The following PIK3R6 variants were observed in gnomAD, a reference collection of about 807,000 sequenced individuals.
The protein encoded by PIK3R6 is phosphoinositide-3-kinase regulatory subunit 6, also known as phosphoinositide 3-kinase regulatory subunit 6.
In PIK3R6, 91 loss-of-function variants were observed where a neutral mutation model predicts 84.9. The ratio of observed to expected loss-of-function variants is 1.07; its 90% CI spans 0.90 to 1.28. The LOEUF (loss-of-function observed/expected upper bound fraction) is 1.28, where lower values mean the gene tolerates loss of function less well. PIK3R6 is among the 50% of genes most tolerant of loss of function. PIK3R6 has a pLI of 0.00. For synonymous variants in PIK3R6, 416 were observed against 411.4 expected, an observed-to-expected ratio of 1.01 and a Z score of -0.13; for missense variants, 996 against 985.1, an observed-to-expected ratio of 1.01 and a Z score of -0.15.
intron 18 of PIK3R6, among the ~76,000 whole-genome samples, chr17:8,813,109 A>G (rs1446139219): frequency 6.6e-6 from 1 of 152,216 alleles, no homozygotes; most frequent in Non-Finnish European, 1.5e-5. Flanking sequence ...GAGACCTATA[A>G]GCATCTCTAT....
chr17:8,809,253 A>G (rs965369273), intron 18 of PIK3R6, among the ~76,000 whole-genome samples: 1 of 152,224 alleles, frequency 6.6e-6, no homozygotes, highest in African/African-American at 2.4e-5. Context: ...GCAAACACTA[A>G]GGAAATTTGT....
At chr17:8,826,615 C>A (rs906708765) in intron 13 of PIK3R6, among the ~76,000 whole-genome samples, 10 of 151,914 alleles carry the variant, frequency 6.6e-5, no homozygotes, top group African/African-American at 2.2e-4. Context: ...CATCACACAC[C>A]GGGGCCTGTC....
At chr17:8,832,293 T>C (rs561961356) in intron 9 of PIK3R6, among the ~76,000 whole-genome samples, 3 of 152,120 alleles carry the variant, frequency 2.0e-5, no homozygotes, top group South Asian at 4.2e-4. Flanking sequence ...TTTAAATATA[T>C]GTAAGGTGAT....
In PIK3R6 at chr17:8,821,803, C is replaced by T. The variant is rs1381762734; in HGVS notation, c.1879+43G>A. On this transcript the variant is annotated intron_variant, in intron 17 of 19. Coordinates refer to ENST00000619866, the MANE Select transcript of PIK3R6 (RefSeq NM_001010855.4). ...GCCCTCTCCCCAGCATTGCCCTTCT[C>T]ATCTCTTCTCTCTTTCTTTGCTCTG... is the stretch of plus-strand genomic sequence containing the variant. The T allele has an allele frequency of 4.6e-6, 7 of 1,537,040 alleles. No homozygotes were observed. In the African/African-American group the frequency reaches 8.2e-5, roughly 18 times the overall value.
intron 2 of PIK3R6, among the ~76,000 whole-genome samples, chr17:8,843,662 T>G (rs1169996725): frequency 1.3e-5 from 2 of 152,020 alleles, no homozygotes; most frequent in Non-Finnish European, 2.9e-5. Flanking sequence ...ATGAATTAGC[T>G]GCCAACATTT....
intron 1 of PIK3R6, among the ~76,000 whole-genome samples, chr17:8,864,578 G>A (rs555647131): frequency 3.5e-5 from 4 of 113,444 alleles, no homozygotes; most frequent in East Asian, 2.7e-4. Flanking sequence ...TCACTCTGTC[G>A]CCAGACTGGA....
chr17:8,824,468 C>G (rs1329133421), intron 13 of PIK3R6, among the ~76,000 whole-genome samples: 1 of 152,170 alleles, frequency 6.6e-6, no homozygotes, highest in South Asian at 2.1e-4. Flanking sequence ...TCCTCTAAGA[C>G]CTCTTCTATC....
At chr17:8,835,763 C>G (rs1408574844) in intron 7 of PIK3R6, among the ~76,000 whole-genome samples, 1 of 152,112 alleles carries the variant, frequency 6.6e-6, no homozygotes, top group Non-Finnish European at 1.5e-5. Context: ...AGCATCCTGG[C>G]CCAGGGACCA....
intron 3 of PIK3R6, 56 bp from the exon 4 acceptor site, chr17:8,838,711 A>C (rs1597417988): frequency 6.7e-7 from 1 of 1,483,146 alleles, no homozygotes; most frequent in Non-Finnish European, 9.2e-7. Flanking sequence ...CTTAGAGGAG[A>C]CCCCTCTGAG....
At chr17:8,859,208 A>C (rs1317068425) in intron 1 of PIK3R6, among the ~76,000 whole-genome samples, 2 of 152,170 alleles carry the variant, frequency 1.3e-5, no homozygotes, top group Non-Finnish European at 2.9e-5. Context: ...TTGGTGAGTA[A>C]ATCAAAGAGC....
chr17:8,808,235 G>A (rs900397987), intron 18 of PIK3R6, among the ~76,000 whole-genome samples: 2 of 152,160 alleles, frequency 1.3e-5, no homozygotes, highest in African/African-American at 2.4e-5. Flanking sequence ...CTTTAGCCAA[G>A]CACTCTTCTA....
intron 18 of PIK3R6, among the ~76,000 whole-genome samples, chr17:8,817,890 T>C (rs1213249039): frequency 2.0e-5 from 3 of 151,524 alleles, no homozygotes; most frequent in East Asian, 1.9e-4. Context: ...AGAGAGGTAG[T>C]TGGGTCATGG....
Position 8,823,163 on chromosome 17 carries a change from G to A in PIK3R6, c.1627-77C>T, listed in dbSNP as rs2087797937. The A allele has an allele frequency of 3.4e-6, 4 of 1,177,380 alleles. No homozygotes were observed. The East Asian group carries it at 9.3e-5, about 28-fold the overall frequency. 72.9% of individuals were successfully genotyped at this position (1,177,380 alleles called of 1,614,324 possible). On this transcript the variant is annotated intron_variant, in intron 14 of 19. Coordinates refer to ENST00000619866, the MANE Select transcript of PIK3R6 (RefSeq NM_001010855.4). ...CTATCCCTGATTTCCAGGGATCCAGGGCCATGGAGAACCCTTCCACATAAA... is the reference window on the plus strand; with the variant it reads ...CTATCCCTGATTTCCAGGGATCCAGAGCCATGGAGAACCCTTCCACATAAA...
intron 5 of PIK3R6, 81 bp from the exon 6 acceptor site, chr17:8,837,004 G>T (rs906345951): frequency 2.2e-5 from 23 of 1,045,652 alleles, no homozygotes; most frequent in Non-Finnish European, 3.2e-5. Context: ...GGTCCCGGGG[G>T]AGTTTCCGGG....
intron 18 of PIK3R6, among the ~76,000 whole-genome samples, chr17:8,806,439 C>T (rs1168367074): frequency 2.0e-5 from 3 of 152,212 alleles, no homozygotes; most frequent in Non-Finnish European, 2.9e-5. Context: ...GGCCTCCTCC[C>T]ACCTGCCTGC....
At chr17:8,833,199 C>T (rs2088323913) in intron 8 of PIK3R6, among the ~76,000 whole-genome samples, 154 bp from the exon 9 acceptor site, 1 of 152,262 alleles carries the variant, frequency 6.6e-6, no homozygotes, top group African/African-American at 2.4e-5. Context: ...CTTCTGGATC[C>T]CACATCCAGG....
intron 18 of PIK3R6, among the ~76,000 whole-genome samples, chr17:8,811,812 A>G (rs2087366497): frequency 6.8e-6 from 1 of 147,784 alleles, no homozygotes; most frequent in Non-Finnish European, 1.5e-5. Flanking sequence ...AAGCTTTCCC[A>G]TTTTCCTGTC....
At position 8,825,530 on chromosome 17, in the gene PIK3R6, AG is replaced by A. The variant is rs377373782; in HGVS notation, c.1515+1641del. Among the ~76,000 whole-genome samples the A allele has an allele frequency of 3.4e-3, 514 of 152,370 alleles. 2 individuals are homozygous for A. Among genetic ancestry groups the A allele is most frequent in the African/African-American group, 0.012 (480 of 41,592 alleles). ...CACGTACTAAATACAAGCACATGTT[AG>A]TATCATGTACTAAATACAAGTACAC... is the stretch of plus-strand genomic sequence containing the variant. On this transcript the variant is annotated intron_variant, in intron 13 of 19. Coordinates refer to ENST00000619866, the MANE Select transcript of PIK3R6 (RefSeq NM_001010855.4).
chr17:8,837,019 G>C (rs2088495403), intron 5 of PIK3R6, 96 bp from the exon 6 acceptor site: 1 of 953,702 alleles, frequency 1.0e-6, no homozygotes, highest in African/African-American at 1.6e-5. Flanking sequence ...TCCGGGGAGG[G>C]GCTTGGGAGA....
Sources: gnomAD v4.1 joint callset for allele counts (sites outside exome capture counted in the v4.1 genomes callset) on GRCh38, gnomAD v4.1.1 for gene constraint, MANE v1.5 for transcripts, NCBI Gene and HGNC (gene_info 2026-07-23, HGNC 2026-07-21) for gene names.